Variants in RIPK1 observed in about 807,000 individuals in gnomAD.
The protein encoded by RIPK1 is receptor interacting serine/threonine kinase 1.
A neutral mutation model predicts 62.4 loss-of-function variants in RIPK1; 27 were observed. That is an observed-to-expected ratio of 0.43 (90% confidence interval 0.32 to 0.60). The LOEUF (loss-of-function observed/expected upper bound fraction) is 0.60. Ranked by LOEUF, RIPK1 falls within the 20% of genes least tolerant of loss-of-function variation. The probability of loss-of-function intolerance (pLI) is 0.07; values close to 1 mark genes in which losing one functional copy is unlikely to be tolerated. For missense variants in RIPK1, 735 were observed against 831.0 expected (o/e 0.88, Z 1.42); for synonymous variants, 287 against 303.2 (o/e 0.95, Z 0.55).
At chr6:3,102,693 C>T (rs887018250) in intron 7 of RIPK1, among the ~76,000 whole-genome samples, 14 of 152,136 alleles carry the variant, frequency 9.2e-5, no homozygotes, top group Non-Finnish European at 1.9e-4. Flanking sequence ...CTCCGCCTCC[C>T]GGGTTCAAGC....
At chr6:3,090,379 A>C (rs1237706709) in intron 7 of RIPK1, among the ~76,000 whole-genome samples, 1 of 152,192 alleles carries the variant, frequency 6.6e-6, no homozygotes, top group Non-Finnish European at 1.5e-5. Flanking sequence ...ACTACGACAA[A>C]TAAAACAGGC....
intron 3 of RIPK1, among the ~76,000 whole-genome samples, chr6:3,079,300 G>A (rs1272938216): frequency 1.3e-5 from 2 of 151,954 alleles, no homozygotes; most frequent in African/African-American, 2.4e-5. Context: ...GGCTGGTCTC[G>A]AACTCCTGAC....
chr6:3,104,272 T>G lies in RIPK1; in HGVS notation c.963T>G (p.Leu321=). 1 of 1,605,414 alleles carries G rather than the reference T, an allele frequency of 6.2e-7. No homozygotes were observed. Among genetic ancestry groups the G allele is most frequent in the Non-Finnish European group, 8.5e-7 (1 of 1,172,748 alleles). Reference sequence around the variant, plus strand: ...CAGTTGTGAAGAGAATGCAGTCTCTTCAACTTGATTGTGTGGCAGTACCTT... The same window carrying G: ...CAGTTGTGAAGAGAATGCAGTCTCTGCAACTTGATTGTGTGGCAGTACCTT... ...ENAVVKRMQS[L]QLDCVAVPSS... Residue 321 remains leucine, a synonymous_variant, in exon 8 of 11, where the codon CTT becomes CTG. Transcript: ENST00000259808.
intron 7 of RIPK1, among the ~76,000 whole-genome samples, chr6:3,095,386 T>C (rs17513409): frequency 2.1e-3 from 314 of 152,252 alleles, no homozygotes; most frequent in African/African-American, 6.2e-3. Context: ...ATGAAGAAAT[T>C]ATGTCAATCT....
intron 10 of RIPK1, among the ~76,000 whole-genome samples, chr6:3,112,292 G>C (rs970716845): frequency 6.6e-6 from 1 of 152,132 alleles, no homozygotes; most frequent in Non-Finnish European, 1.5e-5. Context: ...GTGAACTGTT[G>C]GGCCGGGGTG....
chr6:3,083,948 C>A (rs1759556169), intron 5 of RIPK1, among the ~76,000 whole-genome samples: 1 of 152,144 alleles, frequency 6.6e-6, no homozygotes, highest in Admixed American at 6.5e-5. Flanking sequence ...CGCTTCACCC[C>A]TCTTCATATG....
intron 4 of RIPK1, 98 bp from the exon 5 acceptor site, chr6:3,082,987 G>T: frequency 8.6e-7 from 1 of 1,161,432 alleles, no homozygotes; most frequent in Non-Finnish European, 1.3e-6. Flanking sequence ...AAAATTTACC[G>T]TACCTTATGT....
chr6:3,076,674 T>A (rs1759064053), intron 1 of RIPK1, 90 bp from the exon 2 acceptor site: 1 of 229,832 alleles, frequency 4.4e-6, no homozygotes, highest in African/African-American at 3.4e-5. Context: ...AGTGAGACCC[T>A]GTCTCCAAAG....
At chr6:3,086,209 T>A (rs1011401241) in intron 6 of RIPK1, among the ~76,000 whole-genome samples, 1 of 152,250 alleles carries the variant, frequency 6.6e-6, no homozygotes, top group Non-Finnish European at 1.5e-5. Flanking sequence ...CTTGAAAGAC[T>A]TGTTTCCAGT....
chr6:3,108,416 G>A (rs891037220), intron 9 of RIPK1, among the ~76,000 whole-genome samples: 2 of 152,132 alleles, frequency 1.3e-5, no homozygotes, highest in Non-Finnish European at 2.9e-5. Context: ...GGTTTTTCCA[G>A]TGGTCAGATT....
intron 7 of RIPK1, among the ~76,000 whole-genome samples, chr6:3,103,820 A>T (rs1015637211): frequency 6.6e-5 from 10 of 152,200 alleles, no homozygotes; most frequent in African/African-American, 2.4e-4. Context: ...GGTATGAAAT[A>T]AGGGTCCAAC....
chr6:3,076,699 C>CGTATAT (rs1759069014), intron 1 of RIPK1, 65 bp from the exon 2 acceptor site: 1 of 209,762 alleles, frequency 4.8e-6, no homozygotes, highest in Non-Finnish European at 7.2e-6. Flanking sequence ...AAAAAAAAAA[C>CGTATAT]ATATATATAT....
At chr6:3,089,860 G>GA (rs1253167168) in intron 7 of RIPK1, among the ~76,000 whole-genome samples, 1 of 152,216 alleles carries the variant, frequency 6.6e-6, no homozygotes, top group East Asian at 1.9e-4. Context: ...TGAAATGAGA[G>GA]AAAACATATA....
chr6:3,090,792 A>ACCTGCCGCACCTAGTAACCGCAGC (rs1760023640), intron 7 of RIPK1, among the ~76,000 whole-genome samples: 1 of 98,944 alleles, frequency 1.0e-5, no homozygotes, highest in Non-Finnish European at 2.1e-5. Flanking sequence ...GTAACCGCAG[A>ACCTGCCGCACCTAGTAACCGCAGC]GCGCCTACCT....
chr6:3,088,987 G>A (rs551885815), intron 6 of RIPK1, among the ~76,000 whole-genome samples: 8 of 152,250 alleles, frequency 5.3e-5, no homozygotes, highest in East Asian at 3.9e-4. Flanking sequence ...ACTCACTATC[G>A]TGTGTTTCAT....
intron 1 of RIPK1, among the ~76,000 whole-genome samples, chr6:3,070,945 C>G (rs1440848194): frequency 6.6e-6 from 1 of 152,204 alleles, no homozygotes; most frequent in Non-Finnish European, 1.5e-5. Flanking sequence ...GATCCTACCA[C>G]TTTAGGTGAA....
intron 1 of RIPK1, among the ~76,000 whole-genome samples, chr6:3,074,460 T>G (rs918331484): frequency 6.6e-6 from 1 of 152,180 alleles, no homozygotes; most frequent in African/African-American, 2.4e-5. Flanking sequence ...CTGTTTCCAG[T>G]TTGGAGCTAT....
intron 1 of RIPK1, among the ~76,000 whole-genome samples, chr6:3,069,175 T>G (rs1246263250): frequency 6.6e-6 from 1 of 152,302 alleles, no homozygotes; most frequent in Non-Finnish European, 1.5e-5. Flanking sequence ...GTGGAGAAGG[T>G]GGGCTCCTAG....
chr6:3,094,233 T>C (rs13195241), intron 7 of RIPK1, among the ~76,000 whole-genome samples: 6 of 149,868 alleles, frequency 4.0e-5, no homozygotes, highest in African/African-American at 1.3e-4. Context: ...GTAACTGCAG[T>C]GCACCTACCT....
Sources: gnomAD v4.1 joint callset for allele counts (sites outside exome capture counted in the v4.1 genomes callset) on GRCh38, gnomAD v4.1.1 for gene constraint, MANE v1.5 for transcripts, NCBI Gene and HGNC (gene_info 2026-07-23, HGNC 2026-07-21) for gene names.